RPS6KA2: variants seen among roughly 807,000 people sequenced by gnomAD.
RPS6KA2 encodes ribosomal protein S6 kinase A2.
RPS6KA2 carries 42 observed loss-of-function variants against 91.8 expected under a neutral mutation model. That is an observed-to-expected ratio of 0.46 (90% CI 0.36 to 0.59). The LOEUF is 0.59. RPS6KA2 is among the 20% of genes least tolerant of loss of function. The pLI, the probability that RPS6KA2 is intolerant of heterozygous loss-of-function variation, is 0.00. For missense variants in RPS6KA2, 798 were observed against 978.5 expected (o/e 0.82, Z 2.46); for synonymous variants, 414 against 393.6 (o/e 1.05, Z -0.61).
At chr6:166,472,455 G>T (rs576568868) in intron 10 of RPS6KA2, among the ~76,000 whole-genome samples, 3 of 152,168 alleles carry the variant, frequency 2.0e-5, no homozygotes, top group Admixed American at 2.0e-4. Flanking sequence ...AAGGTAGTAA[G>T]ATTTTGCACC....
chr6:166,715,143 G>T (rs1789975270), intron 2 of RPS6KA2, among the ~76,000 whole-genome samples: 1 of 152,244 alleles, frequency 6.6e-6, no homozygotes, highest in Non-Finnish European at 1.5e-5. Context: ...GGAGGCCCCA[G>T]AGACTGCAGA....
Position 166,688,644 on chromosome 6 carries a change from C to T in RPS6KA2, c.124-149860G>A, listed in dbSNP as rs570659511. Among the ~76,000 whole-genome samples the T allele has an allele frequency of 3.3e-4, 50 of 152,156 alleles. 1 individual carries two copies. The highest frequency in any genetic ancestry group is 6.8e-4 in the Non-Finnish European group (46 of 68,030). ...GGTGACATGATCCCCAGGTAGGGGG[C>T]GGGAAGGCGAGAGCGACAGCGTCAG... On this transcript the variant is annotated intron_variant, in intron 2 of 21. Coordinates refer to the RPS6KA2 transcript ENST00000503859.
Position 166,627,187 on chromosome 6 carries a change from C to T in RPS6KA2, c.-168G>A, listed in dbSNP as rs1786921073. On this transcript the variant is annotated 5_prime_UTR_variant, in exon 1 of 21. Coordinates refer to ENST00000265678, the MANE Select transcript of RPS6KA2 (RefSeq NM_021135.6). ...AGCTGCGGTCACAAAGGGCAGGCCGCGCCGGCCACCGCGGCCGGGGCCACA... is the reference window on the plus strand; with the variant it reads ...AGCTGCGGTCACAAAGGGCAGGCCGTGCCGGCCACCGCGGCCGGGGCCACA... 10 of 1,053,628 alleles carry T rather than the reference C, an allele frequency of 9.5e-6. No homozygotes were observed. Among genetic ancestry groups the T allele is most frequent in the Non-Finnish European group, 1.1e-5 (10 of 875,606 alleles). 65.3% of individuals were successfully genotyped at this position (1,053,628 alleles called of 1,614,324 possible). A position where few individuals can be genotyped will look rare whatever the true frequency, so the allele number is the denominator to read the frequency against.
chr6:166,778,807 G>T (rs570402259), intron 2 of RPS6KA2, among the ~76,000 whole-genome samples: 2 of 152,286 alleles, frequency 1.3e-5, no homozygotes, highest in African/African-American at 4.8e-5. Flanking sequence ...GTGTTAATAA[G>T]ATGCGTCCAC....
chr6:166,759,856 G>A (rs1056083499), intron 2 of RPS6KA2, among the ~76,000 whole-genome samples: 10 of 152,208 alleles, frequency 6.6e-5, no homozygotes, highest in African/African-American at 2.4e-4. Context: ...ACGCAGCGCC[G>A]TTCCCACCAT....
intron 10 of RPS6KA2, among the ~76,000 whole-genome samples, chr6:166,480,334 A>C (rs1781144936): frequency 6.6e-6 from 1 of 151,840 alleles, no homozygotes; most frequent in African/African-American, 2.4e-5. Flanking sequence ...ATTCGAAAGC[A>C]CAAAAACATT....
chr6:166,679,307 T>C (rs914875144), intron 2 of RPS6KA2, among the ~76,000 whole-genome samples: 2 of 143,862 alleles, frequency 1.4e-5, no homozygotes, highest in Admixed American at 1.4e-4. Flanking sequence ...AAAAAAAAAA[T>C]ACAAAAATTA....
intron 2 of RPS6KA2, among the ~76,000 whole-genome samples, chr6:166,787,002 C>T (rs1778949096): frequency 6.6e-6 from 1 of 152,172 alleles, no homozygotes; most frequent in South Asian, 2.1e-4. Flanking sequence ...GTGGTAGACA[C>T]AGCTATGTCG....
At position 166,575,042 on chromosome 6, in the gene RPS6KA2, A is replaced by G. The variant is rs762936963; in HGVS notation, c.100-36258T>C. ...CCCTGGTCTGCCCCACTGCTCCCAG[A>G]TAATTTCAGGTATCTGGCAGAAGAA... is the stretch of plus-strand genomic sequence containing the variant. On this transcript the variant is annotated intron_variant, in intron 1 of 20. Coordinates refer to ENST00000265678, the MANE Select transcript of RPS6KA2 (RefSeq NM_021135.6). 5.9e-5 allele frequency among the ~76,000 whole-genome samples: 9 copies of G among 152,330 alleles called. No homozygotes were observed. In the South Asian group the frequency reaches 6.2e-4, roughly 11 times the overall value.
At chr6:166,414,918 AGCTGGGTGTGGTGGCATG>A (rs1359095866) in intron 19 of RPS6KA2, among the ~76,000 whole-genome samples, 2 of 152,042 alleles carry the variant, frequency 1.3e-5, no homozygotes, top group Non-Finnish European at 2.9e-5. Flanking sequence ...TACAAAAATG[AGCTGGGTGTGGTGGCATG>A]CGCCTATAAT....
intron 1 of RPS6KA2, among the ~76,000 whole-genome samples, chr6:166,623,597 C>A (rs1246454954): frequency 6.6e-6 from 1 of 152,204 alleles, no homozygotes; most frequent in African/African-American, 2.4e-5. Flanking sequence ...GCCAGTGTCC[C>A]CTTTCCTCAT....
At chr6:166,701,583 T>C in intron 2 of RPS6KA2, 5 of 1,375,456 alleles carry the variant, frequency 3.6e-6, no homozygotes, top group South Asian at 2.3e-5. Flanking sequence ...GGGCTCTGAC[T>C]GATAGAGCCG....
At chr6:166,781,359 C>A (rs1778766813) in intron 2 of RPS6KA2, among the ~76,000 whole-genome samples, 2 of 152,252 alleles carry the variant, frequency 1.3e-5, no homozygotes, top group Admixed American at 1.3e-4. Flanking sequence ...TGGACGCTGT[C>A]CTCACACCCC....
chr6:166,813,117 G>A (rs1327108365), intron 2 of RPS6KA2, among the ~76,000 whole-genome samples: 1 of 152,048 alleles, frequency 6.6e-6, no homozygotes, highest in Non-Finnish European at 1.5e-5. Context: ...CCGCTCCCTG[G>A]AGAACGGATC....
At chr6:166,602,702 G>A (rs1785790350) in intron 1 of RPS6KA2, among the ~76,000 whole-genome samples, 1 of 152,214 alleles carries the variant, frequency 6.6e-6, no homozygotes, top group South Asian at 2.1e-4. Flanking sequence ...ATATACAGGA[G>A]TGGTAGACCT....
At chr6:166,586,726 A>G (rs539851287) in intron 1 of RPS6KA2, among the ~76,000 whole-genome samples, 1 of 152,204 alleles carries the variant, frequency 6.6e-6, no homozygotes, top group South Asian at 2.1e-4. Flanking sequence ...TATATATACC[A>G]GAGGAGGAAA....
chr6:166,658,506 G>T (rs1485605761), intron 2 of RPS6KA2, among the ~76,000 whole-genome samples: 1 of 152,194 alleles, frequency 6.6e-6, no homozygotes, highest in Admixed American at 6.5e-5. Flanking sequence ...GCAGGGGTGG[G>T]ACAGCATCGG....
intron 10 of RPS6KA2, among the ~76,000 whole-genome samples, chr6:166,476,060 C>A (rs1314622391): frequency 1.3e-5 from 2 of 152,258 alleles, no homozygotes; most frequent in Admixed American, 6.5e-5. Flanking sequence ...TATAATGAGT[C>A]CGGCATCAGC....
intron 2 of RPS6KA2, among the ~76,000 whole-genome samples, chr6:166,823,300 C>T (rs531122765): frequency 5.5e-4 from 84 of 152,268 alleles, no homozygotes; most frequent in Non-Finnish European, 9.3e-4. Context: ...CAACCAACCA[C>T]GGTATATGAG....
Sources: gnomAD v4.1 joint callset for allele counts (sites outside exome capture counted in the v4.1 genomes callset) on GRCh38, gnomAD v4.1.1 for gene constraint, MANE v1.5 for transcripts, NCBI Gene and HGNC (gene_info 2026-07-23, HGNC 2026-07-21) for gene names.